PCCB: variants seen among roughly 807,000 people sequenced by gnomAD.
PCCB encodes propionyl-CoA carboxylase beta chain, mitochondrial.
In PCCB, 43 loss-of-function variants were observed where a neutral mutation model predicts 60.7. The ratio of observed to expected loss-of-function variants is 0.71; its 90% CI spans 0.55 to 0.91. PCCB has a LOEUF of 0.91. Ranked by LOEUF, PCCB falls within the 40% of genes least tolerant of loss-of-function variation. The pLI, the probability that PCCB is intolerant of heterozygous loss-of-function variation, is 0.00. For missense variants in PCCB, 766 were observed against 702.8 expected (o/e 1.09, Z -1.02); for synonymous variants, 276 against 255.9 (o/e 1.08, Z -0.75).
At chr3:136,309,362 TTAA>T in intron 9 of PCCB, among the ~76,000 whole-genome samples, 1 of 151,886 alleles carries the variant, frequency 6.6e-6, no homozygotes, top group South Asian at 2.1e-4. Flanking sequence ...AAGAAATAAT[TTAA>T]TAAGGATAAA....
In PCCB at chr3:136,326,838, C is replaced by G. The variant is rs200306164; in HGVS notation, c.1126C>G (p.Arg376Gly). The change falls in exon 11 of 15, where the codon CGT becomes GGT. Residue 376 changes from arginine (R) to glycine (G), a missense_variant. Transcript: ENST00000251654. Reference sequence around the variant, plus strand: ...TATTAATTCATCTGTGAAAGGGGCTCGTTTTGTCAGATTCTGTGATGCATT... The same window carrying G: ...TATTAATTCATCTGTGAAAGGGGCTGGTTTTGTCAGATTCTGTGATGCATT... ...LDINSSVKGA[R>G]FVRFCDAFNI... 6.2e-7 allele frequency: 1 copy of G among 1,612,222 alleles called. No individual in the cohort carries two copies. Among genetic ancestry groups the G allele is most frequent in the African/African-American group, 1.3e-5 (1 of 74,858 alleles).
intron 5 of PCCB, among the ~76,000 whole-genome samples, chr3:136,283,127 A>G (rs1006563714): frequency 6.6e-6 from 1 of 152,156 alleles, no homozygotes; most frequent in African/African-American, 2.4e-5. Flanking sequence ...AAGTGAACCT[A>G]CTTTTCCTAA....
intron 9 of PCCB, among the ~76,000 whole-genome samples, chr3:136,312,489 T>C (rs1934707994): frequency 6.6e-6 from 1 of 152,256 alleles, no homozygotes; most frequent in Non-Finnish European, 1.5e-5. Context: ...ATAATGATAT[T>C]TTATCAAATC....
intron 1 of PCCB, among the ~76,000 whole-genome samples, chr3:136,254,305 G>GC (rs1428680539): frequency 9.9e-5 from 15 of 151,852 alleles, no homozygotes; most frequent in Non-Finnish European, 1.2e-4. Flanking sequence ...TGCAACCCCT[G>GC]CCCCCTGGGT....
At chr3:136,299,928 GTATA>G (rs965182469) in intron 8 of PCCB, among the ~76,000 whole-genome samples, 2 of 151,792 alleles carry the variant, frequency 1.3e-5, no homozygotes, top group Admixed American at 6.6e-5. Flanking sequence ...GTATGCATAT[GTATA>G]TGTATACGCA....
intron 9 of PCCB, among the ~76,000 whole-genome samples, chr3:136,311,348 T>A (rs191174742): frequency 1.4e-4 from 21 of 152,174 alleles, no homozygotes; most frequent in Non-Finnish European, 1.6e-4. Context: ...ACAGAAGCTG[T>A]TTTAGGGCAA....
intron 8 of PCCB, among the ~76,000 whole-genome samples, chr3:136,300,430 A>G (rs1934222255): frequency 6.6e-6 from 1 of 152,164 alleles, no homozygotes; most frequent in Non-Finnish European, 1.5e-5. Flanking sequence ...CCTCCTGTAG[A>G]GTGGGAGTGG....
Position 136,326,865 on chromosome 3 carries a change from A to G in PCCB, c.1153A>G (p.Asn385Asp). 2 of 1,613,360 alleles carry G rather than the reference A, an allele frequency of 1.2e-6. No individual in the cohort carries two copies. Among genetic ancestry groups the G allele is most frequent in the Non-Finnish European group, 1.7e-6 (2 of 1,179,328 alleles). The part of the protein sequence containing the change: ...ARFVRFCDAF[N>D]IPLITFVDVP... ...TTTTGTCAGATTCTGTGATGCATTC[A>G]ATATTCCACTCATCACTTTTGTTGA... is the stretch of plus-strand genomic sequence containing the variant. The change falls in exon 11 of 15, where the codon AAT (asparagine) becomes GAT (aspartate). Residue 385 changes from asparagine to aspartate, a missense_variant. Coordinates refer to ENST00000251654, the MANE Select transcript of PCCB (RefSeq NM_000532.5).
intron 6 of PCCB, 38 bp downstream of exon 6, chr3:136,283,985 T>C: frequency 8.0e-7 from 1 of 1,256,638 alleles, no homozygotes. Flanking sequence ...CCGTTTGAGA[T>C]TTGTGCAGTT....
chr3:136,268,106 ATATATATATATATATG>A (rs1269744631), intron 5 of PCCB, among the ~76,000 whole-genome samples: 179 of 109,950 alleles, frequency 1.6e-3, no homozygotes, highest in African/African-American at 5.5e-3. Context: ...ATATATATAT[ATATATATATATATATG>A]TATATATATA....
In PCCB at chr3:136,330,078, A is replaced by C. The variant is rs778798087; in HGVS notation, c.*52A>C. 1.2e-6 allele frequency: 2 copies of C among 1,612,860 alleles called. No homozygotes were observed. Among genetic ancestry groups the C allele is most frequent in the Non-Finnish European group, 1.7e-6 (2 of 1,179,300 alleles). On this transcript the variant is annotated 3_prime_UTR_variant, in exon 15 of 15. Coordinates refer to ENST00000251654, the MANE Select transcript of PCCB (RefSeq NM_000532.5). The stretch of plus-strand genomic sequence containing the variant: ...ACTGAATTACTGTCTGCCCATTCAC[A>C]TCCCATTCCTGCCTTTTGCAATCAT...
intron 5 of PCCB, among the ~76,000 whole-genome samples, chr3:136,263,444 A>AT (rs969124136): frequency 1.7e-4 from 25 of 149,362 alleles, no homozygotes; most frequent in Middle Eastern, 3.5e-3. Flanking sequence ...TTTTTTTTGT[A>AT]TTTTTTTTAT....
At chr3:136,325,785 A>T (rs898477700) in intron 10 of PCCB, among the ~76,000 whole-genome samples, 2 of 152,076 alleles carry the variant, frequency 1.3e-5, no homozygotes, top group African/African-American at 4.8e-5. Context: ...TCAACCTTGA[A>T]TTCTTGGGAT....
At chr3:136,299,492 A>G (rs1934109940) in intron 8 of PCCB, among the ~76,000 whole-genome samples, 1 of 150,046 alleles carries the variant, frequency 6.7e-6, no homozygotes, top group African/African-American at 2.5e-5. Context: ...ATGTATGTAT[A>G]TGCATGTGTA....
At chr3:136,273,597 C>CTTTTTTTTTTTTTTTTTTTTTTTTTT in intron 5 of PCCB, among the ~76,000 whole-genome samples, 1 of 45,222 alleles carries the variant, frequency 2.2e-5, no homozygotes, top group Non-Finnish European at 4.2e-5. Flanking sequence ...TTTCTTTTTT[C>CTTTTTTTTTTTTTTTTTTTTTTTTTT]TTTTTTTTTT....
chr3:136,306,988 C>A (rs1313392414), intron 9 of PCCB, among the ~76,000 whole-genome samples: 1 of 122,442 alleles, frequency 8.2e-6, no homozygotes, highest in Non-Finnish European at 1.8e-5. Context: ...GACCTTTGGG[C>A]AGAAATCAAA....
In PCCB at chr3:136,301,040, G is replaced by A; in HGVS notation, c.895G>A (p.Val299Ile). ...RECHDPSDRL[V>I]PELDTIVPLE... ...TTTTTCTGCCTAAAGTGACCGTCTGGTTCCTGAGCTTGACACAATTGTCCC... is the reference window on the plus strand; with the variant it reads ...TTTTTCTGCCTAAAGTGACCGTCTGATTCCTGAGCTTGACACAATTGTCCC... The change falls in exon 9 of 15, where the codon GTT becomes ATT. Residue 299 changes from valine (V) to isoleucine (I), a missense_variant. Coordinates refer to ENST00000251654, the MANE Select transcript of PCCB (RefSeq NM_000532.5). 1 of 1,614,070 alleles carries A rather than the reference G, an allele frequency of 6.2e-7. No individual in the cohort carries two copies. The highest frequency in any genetic ancestry group is 1.1e-5 in the South Asian group (1 of 91,080).
chr3:136,250,659 G>T, intron 1 of PCCB, 101 bp downstream of exon 1: 1 of 1,195,084 alleles, frequency 8.4e-7, no homozygotes, highest in East Asian at 2.6e-5. Flanking sequence ...CAATCCGCAC[G>T]GTGCCTGGAG....
Position 136,279,236 on chromosome 3 carries a change from A to G in PCCB, c.544-4601A>G, listed in dbSNP as rs114635206. ...TACAGATAGATTCTGTCTGTATGCA[A>G]TCTGTCAATCCCTGTCTTTTAATAG... On this transcript the variant is annotated intron_variant, in intron 5 of 14. Coordinates refer to ENST00000251654, the MANE Select transcript of PCCB (RefSeq NM_000532.5). Among the ~76,000 whole-genome samples, 1,281 of 152,300 alleles carry G rather than the reference A, an allele frequency of 8.4e-3. 11 individuals are homozygous for G. The highest frequency in any genetic ancestry group is 0.014 in the Non-Finnish European group (964 of 68,008).
Sources: allele counts gnomAD v4.1 joint callset (sites outside exome capture counted in the v4.1 genomes callset), GRCh38; gene constraint gnomAD v4.1.1; transcripts MANE v1.5; gene names NCBI Gene and HGNC (gene_info 2026-07-23, HGNC 2026-07-21).